The following LCLAT1 variants were observed in gnomAD, a reference collection of about 807,000 sequenced individuals.
The protein encoded by LCLAT1 is 1-AGP acyltransferase 8.
LCLAT1 carries 11 observed loss-of-function variants against 30.7 expected under a neutral mutation model. The observed-to-expected ratio is 0.36, with a 90% CI of 0.23 to 0.59. The LOEUF is 0.59. LCLAT1 is among the 20% of genes least tolerant of loss of function. LCLAT1 has a pLI of 0.77. For synonymous variants in LCLAT1, 155 were observed against 151.3 expected, an observed-to-expected ratio of 1.02 and a Z score of -0.18; for missense variants, 402 against 458.6, an observed-to-expected ratio of 0.88 and a Z score of 1.13.
intron 5 of LCLAT1, among the ~76,000 whole-genome samples, chr2:30,601,775 A>G (rs897166765): frequency 1.4e-4 from 21 of 152,068 alleles, no homozygotes; most frequent in African/African-American, 4.3e-4. Flanking sequence ...AATGTTGTAT[A>G]TAAGTTCTCC....
At chr2:30,519,336 C>T (rs751160765) in intron 1 of LCLAT1, among the ~76,000 whole-genome samples, 10 of 152,180 alleles carry the variant, frequency 6.6e-5, no homozygotes, top group East Asian at 1.9e-4. Flanking sequence ...ACCCCTGGAC[C>T]GGCCTGCTAG....
chr2:30,518,261 A>C (rs1685287448), intron 1 of LCLAT1, among the ~76,000 whole-genome samples: 1 of 152,240 alleles, frequency 6.6e-6, no homozygotes, highest in African/African-American at 2.4e-5. Context: ...TACTATACAA[A>C]GTTCTAACCA....
intron 5 of LCLAT1, among the ~76,000 whole-genome samples, chr2:30,582,825 T>C (rs975448741): frequency 6.6e-6 from 1 of 152,234 alleles, no homozygotes; most frequent in African/African-American, 2.4e-5. Flanking sequence ...AAAATGGGAA[T>C]GTTAGATGTC....
intron 1 of LCLAT1, among the ~76,000 whole-genome samples, chr2:30,469,213 G>T (rs1392649299): frequency 6.6e-6 from 1 of 151,544 alleles, no homozygotes; most frequent in Non-Finnish European, 1.5e-5. Flanking sequence ...CTTGATGGTG[G>T]TCTTTCACGT....
intron 5 of LCLAT1, among the ~76,000 whole-genome samples, chr2:30,608,991 A>C (rs13026274): frequency 0.19 from 28,981 of 151,784 alleles, 3,408 homozygotes; most frequent in East Asian, 0.29. Context: ...CCAGCTTTCT[A>C]CTCTTTGCCA....
intron 5 of LCLAT1, among the ~76,000 whole-genome samples, chr2:30,575,956 G>C (rs1017216978): frequency 1.1e-4 from 16 of 152,026 alleles, no homozygotes; most frequent in African/African-American, 3.1e-4. Flanking sequence ...TATTGTGAAA[G>C]GTAGGTCCAG....
chr2:30,609,624 A>G (rs186163194), intron 5 of LCLAT1, among the ~76,000 whole-genome samples: 15 of 152,264 alleles, frequency 9.9e-5, no homozygotes, highest in African/African-American at 4.8e-5. Context: ...TCAAGGAACT[A>G]GTTTATGCAT....
At chr2:30,587,521 C>G (rs1254123928) in intron 5 of LCLAT1, among the ~76,000 whole-genome samples, 2 of 152,196 alleles carry the variant, frequency 1.3e-5, no homozygotes, top group African/African-American at 2.4e-5. Flanking sequence ...GACTTTGATG[C>G]ATTAAACTAG....
chr2:30,549,861 A>G lies in LCLAT1; in HGVS notation c.365-12285A>G, dbSNP rs1664602708. ...TCATATAACAAATCTTACAGAAAAT[A>G]TTTTCCTTATGCTTGAAGTCAGATG... On this transcript the variant is annotated intron_variant, in intron 3 of 5. Transcript: ENST00000379509. 2.0e-5 allele frequency among the ~76,000 whole-genome samples: 3 copies of G among 152,290 alleles called. No individual in the cohort carries two copies. In the South Asian group the frequency reaches 6.2e-4, roughly 32 times the overall value.
chr2:30,540,253 A>G (rs1308816101), intron 3 of LCLAT1, among the ~76,000 whole-genome samples: 2 of 152,222 alleles, frequency 1.3e-5, no homozygotes, highest in Non-Finnish European at 2.9e-5. Flanking sequence ...TCATATTTTT[A>G]GAAAGTATTT....
intron 3 of LCLAT1, chr2:30,552,365 T>G (rs759092299): frequency 3.3e-6 from 1 of 303,312 alleles, no homozygotes; most frequent in Non-Finnish European, 6.7e-6. Context: ...GTACAAGTGG[T>G]TTCTCCATTT....
At chr2:30,480,428 C>T (rs1683261518) in intron 1 of LCLAT1, among the ~76,000 whole-genome samples, 1 of 152,256 alleles carries the variant, frequency 6.6e-6, no homozygotes, top group Non-Finnish European at 1.5e-5. Flanking sequence ...CTTCTGAGTT[C>T]AAGTAATCTA....
At chr2:30,495,949 T>C (rs575513142) in intron 1 of LCLAT1, among the ~76,000 whole-genome samples, 368 of 152,314 alleles carry the variant, frequency 2.4e-3, no homozygotes, top group Non-Finnish European at 4.2e-3. Flanking sequence ...TAAAAAACTA[T>C]CTGAGACTGG....
chr2:30,556,855 C>T (rs1664944519), intron 3 of LCLAT1, among the ~76,000 whole-genome samples: 1 of 151,970 alleles, frequency 6.6e-6, no homozygotes, highest in Non-Finnish European at 1.5e-5. Flanking sequence ...AAGCGATCTC[C>T]TGCCTCAGCC....
At chr2:30,530,210 A>C (rs923771635) in intron 2 of LCLAT1, among the ~76,000 whole-genome samples, 4 of 152,232 alleles carry the variant, frequency 2.6e-5, no homozygotes, top group African/African-American at 7.2e-5. Context: ...TACTGTTGAC[A>C]CTATTATCTC....
At position 30,620,638 on chromosome 2, in the gene LCLAT1, A is replaced by G. The variant is rs530265433; in HGVS notation, c.629-19479A>G. On this transcript the variant is annotated intron_variant, in intron 5 of 5. Transcript: ENST00000379509. ...CACTTTATAATTCAAAACTGCAATA[A>G]AACTTTAGAAGAAATTTCCTTCCTC... is the stretch of plus-strand genomic sequence containing the variant. Among the ~76,000 whole-genome samples the G allele has an allele frequency of 2.0e-5, 3 of 152,314 alleles. No individual in the cohort carries two copies. The South Asian group carries it at 6.2e-4, about 32-fold the overall frequency.
intron 3 of LCLAT1, among the ~76,000 whole-genome samples, chr2:30,537,521 T>TAAAC (rs1553370483): frequency 1.3e-5 from 2 of 149,106 alleles, no homozygotes; most frequent in African/African-American, 4.9e-5. Context: ...CAATTGTAAA[T>TAAAC]ACACACACAC....
rs72853177 is a variant in LCLAT1, at chr2:30,459,699, A to C, written c.-5+12316A>C. On this transcript the variant is annotated intron_variant, in intron 1 of 5. Coordinates refer to ENST00000379509, the MANE Select transcript of LCLAT1 (RefSeq NM_001002257.3). ...TTTCTAGCTACTGCACGTACTTCAT[A>C]AAGCAGGACTCTAAAAGCTTTGGGT... The C allele has an allele frequency of 4.9e-3, 7,951 of 1,613,678 alleles. 287 individuals carry two copies. In the African/African-American group the frequency reaches 0.087, roughly 18 times the overall value.
chr2:30,552,156 G>C (rs994070367), intron 3 of LCLAT1, among the ~76,000 whole-genome samples: 3 of 152,206 alleles, frequency 2.0e-5, no homozygotes, highest in Non-Finnish European at 4.4e-5. Flanking sequence ...GCAACAGGAA[G>C]AAATATCTCA....
Sources: gnomAD v4.1 joint callset for allele counts (sites outside exome capture counted in the v4.1 genomes callset) on GRCh38, gnomAD v4.1.1 for gene constraint, MANE v1.5 for transcripts, NCBI Gene and HGNC (gene_info 2026-07-23, HGNC 2026-07-21) for gene names.